The following ZNRF2 variants were observed in gnomAD, a reference collection of about 807,000 sequenced individuals.
The protein encoded by ZNRF2 is zinc and ring finger 2, also known as E3 ubiquitin-protein ligase ZNRF2.
Under a neutral mutation model 20.4 loss-of-function variants are expected in ZNRF2, and 16 were observed. That is an observed-to-expected ratio of 0.79 (90% CI 0.53 to 1.19). ZNRF2 has a LOEUF of 1.19. Ranked by LOEUF, ZNRF2 falls within the 50% of genes most tolerant of loss-of-function variation. The pLI is 0.00. For missense variants in ZNRF2, 363 were observed against 332.4 expected, an observed-to-expected ratio of 1.09 and a Z score of -0.72; for synonymous variants, 178 against 144.9, an observed-to-expected ratio of 1.23 and a Z score of -1.64.
In ZNRF2 at chr7:30,284,820, C is replaced by T. The variant is rs1163048931; in HGVS notation, c.-538C>T. On this transcript the variant is annotated 5_prime_UTR_variant, in exon 1 of 5. Transcript: ENST00000323037. ...CTCCCCTCGCGCGCCACCCGTTTTT[C>T]CTCTTTCTCCGTTAATAACAGCTGG... The T allele has an allele frequency of 1.0e-5, 2 of 191,476 alleles. No homozygotes were observed. Among genetic ancestry groups the T allele is most frequent in the East Asian group, 1.9e-4 (1 of 5,262 alleles). The allele number at this position is 191,476 out of a possible 1,614,324, so 11.9% of individuals were successfully genotyped here.
At chr7:30,311,740 C>T (rs928490779) in intron 1 of ZNRF2, among the ~76,000 whole-genome samples, 5 of 152,154 alleles carry the variant, frequency 3.3e-5, no homozygotes, top group Non-Finnish European at 5.9e-5. Context: ...ATTATGTATG[C>T]GTTGTTTTAG....
intron 1 of ZNRF2, among the ~76,000 whole-genome samples, chr7:30,299,776 CTT>C (rs34591785): frequency 1.8e-4 from 22 of 123,294 alleles, no homozygotes; most frequent in African/African-American, 4.2e-4. Context: ...CTAAAACCTG[CTT>C]TTTTTTTTTT....
At chr7:30,337,038 G>A in intron 2 of ZNRF2, among the ~76,000 whole-genome samples, 1 of 152,056 alleles carries the variant, frequency 6.6e-6, no homozygotes, top group Non-Finnish European at 1.5e-5. Context: ...GTTTATTAAA[G>A]CATCCCTACT....
chr7:30,331,524 G>T (rs1295849233), intron 2 of ZNRF2, among the ~76,000 whole-genome samples: 1 of 152,158 alleles, frequency 6.6e-6, no homozygotes, highest in East Asian at 1.9e-4. Flanking sequence ...GAGTGTAACA[G>T]AGAGAGAAGC....
chr7:30,289,577 C>A (rs905055815), intron 1 of ZNRF2, among the ~76,000 whole-genome samples: 1 of 152,176 alleles, frequency 6.6e-6, no homozygotes, highest in African/African-American at 2.4e-5. Context: ...CCCTGCCACT[C>A]CTGAAGTAAT....
chr7:30,355,898 G>T (rs575998803), intron 3 of ZNRF2, 65 bp downstream of exon 3: 1 of 1,233,912 alleles, frequency 8.1e-7, no homozygotes. Context: ...TTGTAATTAG[G>T]GCTGAAAAGG....
Position 30,285,327 on chromosome 7 carries a change from G to A in ZNRF2, c.-31G>A. 2 of 1,078,554 alleles carry A rather than the reference G, an allele frequency of 1.9e-6. No homozygotes were observed. Among genetic ancestry groups the A allele is most frequent in the Non-Finnish European group, 2.2e-6 (2 of 893,794 alleles). The allele number at this position is 1,078,554 out of a possible 1,614,324, so 66.8% of individuals were successfully genotyped here. A position where few individuals can be genotyped will look rare whatever the true frequency, so the allele number is the denominator to read the frequency against. On this transcript the variant is annotated 5_prime_UTR_variant, in exon 1 of 5. Coordinates refer to ENST00000323037, the MANE Select transcript of ZNRF2 (RefSeq NM_147128.4). ...CCGCCCTCCCGGCTCTCGGGGCGCA[G>A]CGCGCGGGCCCGGCCCGGGGCAGGG...
intron 2 of ZNRF2, 50 bp from the exon 3 acceptor site, chr7:30,355,678 C>A (rs769459336): frequency 4.7e-6 from 7 of 1,476,926 alleles, no homozygotes; most frequent in Middle Eastern, 3.5e-4. Flanking sequence ...ATTCTTTTTT[C>A]AATTTGATGG....
rs1212763643 is a variant in ZNRF2, at chr7:30,366,574, A to G, written c.*562A>G. On this transcript the variant is annotated 3_prime_UTR_variant, in exon 5 of 5. Transcript: ENST00000323037. ...AAGCAGTAAAAACATCTGAATGTAG[A>G]CCATGATCTCAAGTTCTTCCATTTT... 6.6e-6 allele frequency: 1 copy of G among 152,568 alleles called. No homozygotes were observed. Among genetic ancestry groups the G allele is most frequent in the Non-Finnish European group, 1.5e-5 (1 of 68,004 alleles). 9.5% of individuals were successfully genotyped at this position (152,568 alleles called of 1,614,324 possible). A position where few individuals can be genotyped will look rare whatever the true frequency, so the allele number is the denominator to read the frequency against.
chr7:30,290,361 C>T (rs1250886049), intron 1 of ZNRF2, among the ~76,000 whole-genome samples: 4 of 152,180 alleles, frequency 2.6e-5, no homozygotes, highest in Non-Finnish European at 5.9e-5. Flanking sequence ...TTCTGTGGGT[C>T]AAGAGGCTGG....
intron 2 of ZNRF2, among the ~76,000 whole-genome samples, chr7:30,327,294 G>C (rs750307776): frequency 6.6e-5 from 10 of 151,986 alleles, no homozygotes; most frequent in Non-Finnish European, 1.2e-4. Context: ...TAATTCATCT[G>C]GACTTAATTT....
Position 30,362,435 on chromosome 7 carries a change from G to C in ZNRF2, c.*1G>C. On this transcript the variant is annotated 3_prime_UTR_variant, in exon 4 of 5. Transcript: ENST00000323037. ...TTGCCCTGAGCACCCTTCAGATTAA[G>C]CGTCAGCTTCCTGTTTTATAGGTAA... 1 of 1,596,778 alleles carries C rather than the reference G, an allele frequency of 6.3e-7. No homozygotes were observed. Among genetic ancestry groups the C allele is most frequent in the South Asian group, 1.1e-5 (1 of 87,730 alleles).
intron 1 of ZNRF2, among the ~76,000 whole-genome samples, chr7:30,300,394 G>A (rs1172836445): frequency 6.6e-6 from 1 of 151,982 alleles, no homozygotes; most frequent in African/African-American, 2.4e-5. Context: ...TGATCCACCC[G>A]CCTCGGCCTC....
chr7:30,293,162 G>C (rs1292412499), intron 1 of ZNRF2, among the ~76,000 whole-genome samples: 1 of 151,672 alleles, frequency 6.6e-6, no homozygotes, highest in African/African-American at 2.4e-5. Flanking sequence ...TTATTTCGTT[G>C]TTCCTTATGG....
At chr7:30,320,299 A>T (rs1799449128) in intron 1 of ZNRF2, among the ~76,000 whole-genome samples, 1 of 152,138 alleles carries the variant, frequency 6.6e-6, no homozygotes, top group Non-Finnish European at 1.5e-5. Context: ...AAATAAATCT[A>T]CTCAGGTATA....
intron 2 of ZNRF2, among the ~76,000 whole-genome samples, chr7:30,334,157 C>T (rs985297003): frequency 1.7e-4 from 26 of 151,960 alleles, no homozygotes; most frequent in South Asian, 8.3e-4. Context: ...GTTCATCTTG[C>T]GTGAATTTTG....
chr7:30,342,738 A>G (rs993695972), intron 2 of ZNRF2, among the ~76,000 whole-genome samples: 92 of 152,240 alleles, frequency 6.0e-4, no homozygotes, highest in African/African-American at 1.9e-3. Context: ...GCAGAAGTAT[A>G]CAAGCCTATG....
At chr7:30,346,071 A>G (rs1028321958) in intron 2 of ZNRF2, among the ~76,000 whole-genome samples, 3 of 149,466 alleles carry the variant, frequency 2.0e-5, no homozygotes. Flanking sequence ...GAGCTATTAG[A>G]CGCCCAAAAT....
chr7:30,301,310 C>A (rs1170342381), intron 1 of ZNRF2, among the ~76,000 whole-genome samples: 1 of 152,184 alleles, frequency 6.6e-6, no homozygotes, highest in African/African-American at 2.4e-5. Flanking sequence ...TGGTGAAACC[C>A]CTTCTCTACT....
Sources: allele counts gnomAD v4.1 joint callset (sites outside exome capture counted in the v4.1 genomes callset), GRCh38; gene constraint gnomAD v4.1.1; transcripts MANE v1.5; gene names NCBI Gene and HGNC (gene_info 2026-07-23, HGNC 2026-07-21).